Variants in SSH2 observed in about 807,000 individuals in gnomAD.
SSH2 encodes the protein slingshot protein phosphatase 2.
In SSH2, 37 loss-of-function variants were observed where a neutral mutation model predicts 135.2. The ratio of observed to expected loss-of-function variants is 0.27; its 90% CI spans 0.21 to 0.36. The LOEUF (loss-of-function observed/expected upper bound fraction) is 0.36, where lower values mean the gene tolerates loss of function less well. Among genes scored for constraint, SSH2 ranks in the 10% least tolerant of loss-of-function variants. The probability of loss-of-function intolerance (pLI) is 1.00; values close to 1 mark genes in which losing one functional copy is unlikely to be tolerated. For missense variants in SSH2, 1,408 were observed against 1,765.3 expected (o/e 0.80, Z 3.63); for synonymous variants, 628 against 646.2 (o/e 0.97, Z 0.43).
At chr17:29,813,992 C>T (rs181871948) in intron 2 of SSH2, among the ~76,000 whole-genome samples, 50 of 134,994 alleles carry the variant, frequency 3.7e-4, no homozygotes, top group South Asian at 1.9e-3. Context: ...ATTAGCCAGG[C>T]GTGGTGGCGC....
At chr17:29,908,909 T>G (rs1460588142) in intron 1 of SSH2, among the ~76,000 whole-genome samples, 2 of 150,844 alleles carry the variant, frequency 1.3e-5, no homozygotes, top group Admixed American at 6.6e-5. Context: ...AAACCCCATC[T>G]CTACTAAAAA....
At chr17:29,741,283 G>C (rs1024521059) in intron 3 of SSH2, among the ~76,000 whole-genome samples, 1 of 152,116 alleles carries the variant, frequency 6.6e-6, no homozygotes, top group African/African-American at 2.4e-5. Context: ...GAGCAAACCA[G>C]CAATCTGTAT....
At chr17:29,728,347 G>T (rs1444942930) in intron 3 of SSH2, among the ~76,000 whole-genome samples, 1 of 152,072 alleles carries the variant, frequency 6.6e-6, no homozygotes, top group Non-Finnish European at 1.5e-5. Flanking sequence ...ATTAACCAAA[G>T]AAGTGAACAA....
chr17:29,785,537 G>C (rs1274029246), intron 3 of SSH2, among the ~76,000 whole-genome samples: 1 of 111,872 alleles, frequency 8.9e-6, no homozygotes, highest in Non-Finnish European at 1.7e-5. Context: ...TTACTCTGTT[G>C]CCCAGGCTCT....
intron 9 of SSH2, among the ~76,000 whole-genome samples, chr17:29,667,912 C>A (rs1168416620): frequency 6.6e-6 from 1 of 152,154 alleles, no homozygotes; most frequent in African/African-American, 2.4e-5. Flanking sequence ...AATAAAATCA[C>A]CCTTGGAACT....
intron 1 of SSH2, among the ~76,000 whole-genome samples, chr17:29,867,089 T>C (rs1286597963): frequency 6.6e-6 from 1 of 151,832 alleles, no homozygotes; most frequent in African/African-American, 2.4e-5. Flanking sequence ...ATCTTCCTGC[T>C]CCCTCCCAAA....
intron 1 of SSH2, among the ~76,000 whole-genome samples, chr17:29,868,036 T>A (rs1347942376): frequency 6.6e-6 from 1 of 152,218 alleles, no homozygotes; most frequent in African/African-American, 2.4e-5. Flanking sequence ...TTAAGTGCAC[T>A]ATGATGAGAG....
chr17:29,776,106 T>G (rs1163080940), intron 3 of SSH2: 2 of 152,286 alleles, frequency 1.3e-5, no homozygotes, highest in Non-Finnish European at 2.9e-5. Context: ...GCCCAGCGAC[T>G]CCTCAGGGTT....
Position 29,920,660 on chromosome 17 carries a change from G to A in SSH2, c.63+9278C>T, listed in dbSNP as rs189441278. 4.3e-4 allele frequency among the ~76,000 whole-genome samples: 65 copies of A among 152,156 alleles called. No individual in the cohort carries two copies. The East Asian group carries it at 8.1e-3, about 19-fold the overall frequency. ...CATAATCCTTACTTCACATCATGTA[G>A]TAAAATTAATTTCAGACAATTAAAA... On this transcript the variant is annotated intron_variant, in intron 1 of 15. Transcript: ENST00000540801.
intron 1 of SSH2, among the ~76,000 whole-genome samples, chr17:29,860,565 G>A (rs1026337301): frequency 2.0e-5 from 3 of 148,272 alleles, no homozygotes; most frequent in Admixed American, 6.9e-5. Flanking sequence ...TTCAGCCACC[G>A]CGATTACAGG....
intron 2 of SSH2, among the ~76,000 whole-genome samples, chr17:29,817,928 C>CTAT (rs970414807): frequency 1.3e-4 from 19 of 151,130 alleles, no homozygotes; most frequent in East Asian, 3.9e-4. Flanking sequence ...CAGCTAATTA[C>CTAT]TATTATTATT....
intron 5 of SSH2, among the ~76,000 whole-genome samples, chr17:29,694,815 A>C (rs1222045958): frequency 6.6e-6 from 1 of 152,206 alleles, no homozygotes; most frequent in Non-Finnish European, 1.5e-5. Context: ...TCCAGTTTAC[A>C]GCACTAAATC....
chr17:29,910,111 A>C (rs1018089309), intron 1 of SSH2, among the ~76,000 whole-genome samples: 1 of 152,062 alleles, frequency 6.6e-6, no homozygotes, highest in Non-Finnish European at 1.5e-5. Flanking sequence ...ACAATTGGTT[A>C]ATTTTTTTAT....
chr17:29,713,795 T>C (rs2151152405), intron 3 of SSH2, among the ~76,000 whole-genome samples: 1 of 152,308 alleles, frequency 6.6e-6, no homozygotes, highest in South Asian at 2.1e-4. Context: ...TTCCTCTCTG[T>C]GCAGCCACCT....
At chr17:29,799,604 A>G (rs1328300140) in intron 2 of SSH2, among the ~76,000 whole-genome samples, 1 of 152,214 alleles carries the variant, frequency 6.6e-6, no homozygotes, top group East Asian at 1.9e-4. Context: ...TAAGCACACC[A>G]AAAGAAGGAT....
intron 3 of SSH2, among the ~76,000 whole-genome samples, chr17:29,789,041 T>C (rs2042019032): frequency 6.6e-6 from 1 of 152,238 alleles, no homozygotes; most frequent in Non-Finnish European, 1.5e-5. Flanking sequence ...TGTTATAAAG[T>C]GGCAAAGAAC....
chr17:29,867,191 G>T (rs1011737182), intron 1 of SSH2, among the ~76,000 whole-genome samples: 2 of 152,122 alleles, frequency 1.3e-5, no homozygotes, highest in Admixed American at 1.3e-4. Context: ...GTAACAGCAG[G>T]CTGGCAAAAC....
At chr17:29,794,752 G>A (rs2042128916) in intron 2 of SSH2, among the ~76,000 whole-genome samples, 1 of 152,170 alleles carries the variant, frequency 6.6e-6, no homozygotes, top group South Asian at 2.1e-4. Context: ...GAAATAAGCT[G>A]TCCAAGGAGA....
At chr17:29,773,019 G>GTCCA (rs35452901) in intron 3 of SSH2, among the ~76,000 whole-genome samples, 16,880 of 146,894 alleles carry the variant, frequency 0.11, 990 homozygotes, top group Middle Eastern at 0.14. Flanking sequence ...TTCCCCATCT[G>GTCCA]TCCATCCATC....
Sources: allele counts gnomAD v4.1 joint callset (sites outside exome capture counted in the v4.1 genomes callset), GRCh38; gene constraint gnomAD v4.1.1; transcripts MANE v1.5; gene names NCBI Gene and HGNC (gene_info 2026-07-23, HGNC 2026-07-21).